The following ZNF777 variants were observed in gnomAD, a reference collection of about 807,000 sequenced individuals.
ZNF777 encodes the protein zinc finger protein 777.
ZNF777 carries 7 observed loss-of-function variants against 72.1 expected under a neutral mutation model. That is an observed-to-expected ratio of 0.10 (90% confidence interval 0.06 to 0.18). ZNF777 has a LOEUF of 0.18. Ranked by LOEUF, ZNF777 falls within the 10% of genes least tolerant of loss-of-function variation. ZNF777 has a pLI of 1.00. For synonymous variants in ZNF777, 545 were observed against 483.5 expected, an observed-to-expected ratio of 1.13 and a Z score of -1.67; for missense variants, 828 against 1,128.6, an observed-to-expected ratio of 0.73 and a Z score of 3.82.
intron 3 of ZNF777, 50 bp from the exon 4 acceptor site, chr7:149,451,162 G>C (rs759056904): frequency 6.6e-7 from 1 of 1,525,428 alleles, no homozygotes; most frequent in Non-Finnish European, 9.1e-7. Flanking sequence ...GGTTGCACTG[G>C]ATGTTGTTAA....
At chr7:149,440,363 T>C (rs1045578546) in intron 4 of ZNF777, among the ~76,000 whole-genome samples, 4 of 152,068 alleles carry the variant, frequency 2.6e-5, no homozygotes, top group African/African-American at 9.7e-5. Flanking sequence ...GTGACTGTTT[T>C]GTTTTGTTTT....
At chr7:149,432,999 G>C in intron 5 of ZNF777, 67 bp from the exon 6 acceptor site, 1 of 1,444,088 alleles carries the variant, frequency 6.9e-7, no homozygotes, top group Non-Finnish European at 9.1e-7. Flanking sequence ...CCTGGATGGA[G>C]GTACAGCACT....
chr7:149,439,784 C>T (rs1232899714), intron 4 of ZNF777, among the ~76,000 whole-genome samples: 3 of 151,866 alleles, frequency 2.0e-5, no homozygotes, highest in African/African-American at 2.4e-5. Context: ...CATTTTTTTT[C>T]TGGCTTAAGT....
intron 4 of ZNF777, among the ~76,000 whole-genome samples, chr7:149,446,152 CA>C (rs1799598886): frequency 6.6e-6 from 1 of 152,084 alleles, no homozygotes; most frequent in African/African-American, 2.4e-5. Context: ...CCGAGGCGGG[CA>C]GATTACCTGA....
chr7:149,449,272 T>C (rs1308751002), intron 4 of ZNF777, among the ~76,000 whole-genome samples: 3 of 152,214 alleles, frequency 2.0e-5, no homozygotes, highest in Non-Finnish European at 4.4e-5. Flanking sequence ...CTGGAACAAA[T>C]GACACATTTC....
chr7:149,451,280 G>C (rs1037049407), intron 3 of ZNF777, among the ~76,000 whole-genome samples, 168 bp from the exon 4 acceptor site: 1 of 152,090 alleles, frequency 6.6e-6, no homozygotes, highest in African/African-American at 2.4e-5. Flanking sequence ...TGTGGGTGTG[G>C]GGGTGTGGGT....
At chr7:149,453,466 CAT>C (rs1002650494) in intron 3 of ZNF777, among the ~76,000 whole-genome samples, 35 of 152,162 alleles carry the variant, frequency 2.3e-4, no homozygotes, top group Admixed American at 9.2e-4. Flanking sequence ...TACACACACA[CAT>C]ATATATATGT....
chr7:149,441,011 C>CT (rs1563235325), intron 4 of ZNF777, among the ~76,000 whole-genome samples: 2 of 152,182 alleles, frequency 1.3e-5, no homozygotes, highest in African/African-American at 4.8e-5. Context: ...GCCTGCTCCT[C>CT]TTTGTGGCAC....
intron 3 of ZNF777, among the ~76,000 whole-genome samples, chr7:149,453,509 G>A (rs964346857): frequency 2.0e-5 from 3 of 151,928 alleles, no homozygotes; most frequent in Admixed American, 6.6e-5. Context: ...GGTTTTCATC[G>A]TTAAATATTC....
At chr7:149,434,767 G>C (rs1328090674) in intron 5 of ZNF777, among the ~76,000 whole-genome samples, 1 of 152,080 alleles carries the variant, frequency 6.6e-6, no homozygotes. Context: ...ACTTTTAGTA[G>C]AGATGGGGTT....
chr7:149,440,922 G>C (rs953685087), intron 4 of ZNF777, among the ~76,000 whole-genome samples: 2 of 151,960 alleles, frequency 1.3e-5, no homozygotes, highest in African/African-American at 4.8e-5. Flanking sequence ...GACCCAACTC[G>C]GGTGTCCACC....
chr7:149,452,024 G>C (rs1306575460), intron 3 of ZNF777, among the ~76,000 whole-genome samples: 5 of 152,170 alleles, frequency 3.3e-5, no homozygotes, highest in Non-Finnish European at 7.3e-5. Flanking sequence ...CCAGCACTTT[G>C]GGAGGCCGAG....
intron 5 of ZNF777, among the ~76,000 whole-genome samples, chr7:149,435,812 C>G (rs1164569171): frequency 6.6e-6 from 1 of 151,964 alleles, no homozygotes; most frequent in Non-Finnish European, 1.5e-5. Context: ...CTGATATGTC[C>G]AGTATAATAC....
At chr7:149,448,986 T>C (rs1246191724) in intron 4 of ZNF777, among the ~76,000 whole-genome samples, 1 of 152,204 alleles carries the variant, frequency 6.6e-6, no homozygotes, top group Non-Finnish European at 1.5e-5. Context: ...AAGTCTCAAT[T>C]TTCTGGACTT....
rs76573002 is a variant in ZNF777 at position 149,456,100 on chromosome 7, A to T, written c.-15-63T>A. ...CACAGTCTCCAGCTAGCAAAATAAA[A>T]CCCAAAGACAAGTATACACATAAAA... On this transcript the variant is annotated intron_variant, in intron 1 of 5. Transcript: ENST00000247930. 13,849 of 1,492,398 alleles carry T rather than the reference A, an allele frequency of 9.3e-3. 1,059 individuals carry two copies. In the African/African-American group the frequency reaches 0.17, roughly 18 times the overall value. The allele number at this position is 1,492,398 out of a possible 1,614,324, so 92.4% of individuals were successfully genotyped here.
chr7:149,459,799 T>G, intron 1 of ZNF777: 2 of 984,554 alleles, frequency 2.0e-6, no homozygotes, highest in Non-Finnish European at 2.4e-6. Flanking sequence ...GCGGAAAACG[T>G]GCCGGCGGCT....
chr7:149,432,099 G>A lies in ZNF777; in HGVS notation c.2173C>T (p.Pro725Ser). 6.2e-7 allele frequency: 1 copy of A among 1,603,032 alleles called. No homozygotes were observed. The highest frequency in any genetic ancestry group is 2.2e-5 in the East Asian group (1 of 44,702). The change falls in exon 6 of 6, where the codon CCC becomes TCC. Residue 725 changes from proline (P) to serine (S), a missense_variant. By Grantham distance (74) the Pro-to-Ser change is moderately conservative. Coordinates refer to ENST00000247930, the MANE Select transcript of ZNF777 (RefSeq NM_015694.3). ...THTGERPFKC[P>S]ECEKSFSEKS... ...TCGCTGAAGCTCTTCTCGCACTCGGGGCACTTGAAGGGCCGCTCGCCTGTG... is the reference window on the plus strand; with the variant it reads ...TCGCTGAAGCTCTTCTCGCACTCGGAGCACTTGAAGGGCCGCTCGCCTGTG...
rs572831657 is a variant in ZNF777, at chr7:149,438,126, G to A, written c.1088-1300C>T. On this transcript the variant is annotated intron_variant, in intron 4 of 5. Coordinates refer to ENST00000247930, the MANE Select transcript of ZNF777 (RefSeq NM_015694.3). ...GATCTCCTGACCTCGTGATCCGCCC[G>A]CCTCAGCCTCCCAAAGTGCTGGGAT... Among the ~76,000 whole-genome samples the A allele has an allele frequency of 3.1e-3, 475 of 151,996 alleles. 1 individual carries two copies. Among genetic ancestry groups the A allele is most frequent in the African/African-American group, 0.011 (443 of 41,442 alleles).
At chr7:149,446,276 C>T (rs771932059) in intron 4 of ZNF777, among the ~76,000 whole-genome samples, 9 of 151,876 alleles carry the variant, frequency 5.9e-5, no homozygotes, top group Non-Finnish European at 1.3e-4. Flanking sequence ...CTGGGGAGGC[C>T]GAGGCGGGAA....
Sources: allele counts gnomAD v4.1 joint callset (sites outside exome capture counted in the v4.1 genomes callset), GRCh38; gene constraint gnomAD v4.1.1; transcripts MANE v1.5; gene names NCBI Gene and HGNC (gene_info 2026-07-23, HGNC 2026-07-21).